Variants in BCL11B observed in about 807,000 individuals in gnomAD.
The protein encoded by BCL11B is B-cell lymphoma/leukemia 11B.
A neutral mutation model predicts 49.9 loss-of-function variants in BCL11B; 8 were observed. The ratio of observed to expected loss-of-function variants is 0.16; its 90% CI spans 0.09 to 0.29. BCL11B has a LOEUF of 0.29. Among genes scored for constraint, BCL11B ranks in the 10% least tolerant of loss-of-function variants. The probability of loss-of-function intolerance (pLI) is 1.00; values close to 1 mark genes in which losing one functional copy is unlikely to be tolerated. For synonymous variants in BCL11B, 739 were observed against 637.4 expected (o/e 1.16, Z -2.40); for missense variants, 1,006 against 1,351.0 (o/e 0.74, Z 4.00).
At chr14:99,236,204 T>C (rs200015254) in intron 2 of BCL11B, among the ~76,000 whole-genome samples, 1 of 152,128 alleles carries the variant, frequency 6.6e-6, no homozygotes, top group East Asian at 1.9e-4. Context: ...GCGCCAAATT[T>C]CATAAACAAG....
intron 3 of BCL11B, among the ~76,000 whole-genome samples, chr14:99,216,587 A>G (rs920298516): frequency 2.0e-5 from 3 of 152,154 alleles, no homozygotes; most frequent in African/African-American, 7.2e-5. Context: ...AGGTACTAAG[A>G]AGGTGAATTC....
At chr14:99,204,165 G>A (rs1351234766) in intron 3 of BCL11B, among the ~76,000 whole-genome samples, 3 of 152,190 alleles carry the variant, frequency 2.0e-5, no homozygotes, top group African/African-American at 4.8e-5. Flanking sequence ...GCCCACAAAA[G>A]GGGTTCACTA....
rs994816432 is a variant in BCL11B at position 99,195,550 on chromosome 14, C to T, written c.641-19355G>A. On this transcript the variant is annotated intron_variant, in intron 3 of 3. Coordinates refer to ENST00000357195, the MANE Select transcript of BCL11B (RefSeq NM_138576.4). The surrounding 1 kb of genome is among the most constrained non-coding windows in gnomAD (Gnocchi z 4.7). ...CTTGCTGAGTGCCTCAGTGTATCTT[C>T]GTGAACCCCCACAAGGCTCGTATGC... 1.2e-4 allele frequency among the ~76,000 whole-genome samples: 19 copies of T among 152,138 alleles called. No homozygotes were observed. Among genetic ancestry groups the T allele is most frequent in the Admixed American group, 6.5e-4 (10 of 15,272 alleles).
chr14:99,181,397 G>A (rs902072055), intron 3 of BCL11B, among the ~76,000 whole-genome samples: 6 of 152,242 alleles, frequency 3.9e-5, no homozygotes, highest in Middle Eastern at 3.2e-3. Context: ...CAGCTGGCAC[G>A]TGAGCAAACT....
Position 99,262,254 on chromosome 14 carries a change from C to T in BCL11B, c.59-4415G>A, listed in dbSNP as rs541995570. 6.6e-6 allele frequency among the ~76,000 whole-genome samples: 1 copy of T among 152,350 alleles called. No individual in the cohort carries two copies. Among genetic ancestry groups the T allele is most frequent in the East Asian group, 1.9e-4 (1 of 5,182 alleles). On this transcript the variant is annotated intron_variant, in intron 1 of 3. Transcript: ENST00000357195. This position sits in a 1 kb window ranked among gnomAD's most constrained non-coding sequence, Gnocchi z 4.2. ...GGCCCATCTCTAACAACTGCCCATG[C>T]ACCTGCCCTTAGGGGAACTCCAGCC...
chr14:99,261,252 C>T (rs1052153945), intron 1 of BCL11B, among the ~76,000 whole-genome samples: 3 of 152,326 alleles, frequency 2.0e-5, no homozygotes, highest in African/African-American at 4.8e-5. Flanking sequence ...GTAGACACCC[C>T]CAAAGACTGT....
Position 99,171,451 on chromosome 14 carries a change from CA to C in BCL11B, c.*2699del, listed in dbSNP as rs1336564669. On this transcript the variant is annotated 3_prime_UTR_variant, in exon 4 of 4. Transcript: ENST00000357195. ...TTCTTTTTATTTCCAAATTCACTAACAAAAAGGTACATTAAATCCCTTTAAA... is the reference window on the plus strand; with the variant it reads ...TTCTTTTTATTTCCAAATTCACTAACAAAAGGTACATTAAATCCCTTTAAA... The C allele has an allele frequency of 4.8e-6, 1 of 206,460 alleles. No homozygotes were observed. The highest frequency in any genetic ancestry group is 7.4e-5 in the East Asian group (1 of 13,580). 12.8% of individuals were successfully genotyped at this position (206,460 alleles called of 1,614,324 possible).
At position 99,271,246 on chromosome 14, in the gene BCL11B, C is replaced by G. The variant is rs1415690384; in HGVS notation, c.-28G>C. The G allele has an allele frequency of 8.1e-6, 12 of 1,487,070 alleles. No homozygotes were observed. Among genetic ancestry groups the G allele is most frequent in the South Asian group, 1.3e-5 (1 of 75,284 alleles). The allele number at this position is 1,487,070 out of a possible 1,614,324, so 92.1% of individuals were successfully genotyped here. ...CCCCGGCATCTATTCTGGCATCGCC[C>G]GGAGAGCTGCACTGATGGGGGGAGC... On this transcript the variant is annotated 5_prime_UTR_variant, in exon 1 of 4. Coordinates refer to ENST00000357195, the MANE Select transcript of BCL11B (RefSeq NM_138576.4).
Position 99,259,881 on chromosome 14 carries a change from C to T in BCL11B, c.59-2042G>A, listed in dbSNP as rs138062379. 8.2e-3 allele frequency among the ~76,000 whole-genome samples: 1,242 copies of T among 152,290 alleles called. 15 individuals carry two copies. Among genetic ancestry groups the T allele is most frequent in the African/African-American group, 0.028 (1,166 of 41,564 alleles). ...CAGAGGTTCTAGGGAAGACTGGATT[C>T]CTGTGAACGGTTTGTCAGAATGTAA... is the stretch of plus-strand genomic sequence containing the variant. On this transcript the variant is annotated intron_variant, in intron 1 of 3. Transcript: ENST00000357195.
At chr14:99,185,454 A>G (rs1259574374) in intron 3 of BCL11B, among the ~76,000 whole-genome samples, 1 of 150,796 alleles carries the variant, frequency 6.6e-6, no homozygotes, top group African/African-American at 2.5e-5. Flanking sequence ...AAGAAAAAAA[A>G]AAAAAAAACT....
chr14:99,244,184 G>C (rs1336229000), intron 2 of BCL11B, among the ~76,000 whole-genome samples: 1 of 152,046 alleles, frequency 6.6e-6, no homozygotes, highest in Admixed American at 6.6e-5. Flanking sequence ...CTGTTGAGCC[G>C]TCAAAATAAA....
At chr14:99,206,300 T>A (rs1243431122) in intron 3 of BCL11B, among the ~76,000 whole-genome samples, 2 of 152,226 alleles carry the variant, frequency 1.3e-5, no homozygotes, top group Non-Finnish European at 2.9e-5. Context: ...AGTCCACGGG[T>A]ACTCTTGCAC....
In BCL11B at chr14:99,271,294, C is replaced by A. The variant is rs922037468; in HGVS notation, c.-76G>T. The A allele has an allele frequency of 1.2e-5, 11 of 945,464 alleles. No homozygotes were observed. Among genetic ancestry groups the A allele is most frequent in the African/African-American group, 1.6e-5 (1 of 60,866 alleles). 58.6% of individuals were successfully genotyped at this position (945,464 alleles called of 1,614,324 possible). A position where few individuals can be genotyped will look rare whatever the true frequency, so the allele number is the denominator to read the frequency against. ...AGCCGGGGGAGGGGGTCCGAGCCGC[C>A]GCCGCGCCGCTGCCGCCGCTGCCGC... On this transcript the variant is annotated 5_prime_UTR_variant, in exon 1 of 4. Transcript: ENST00000357195.
Position 99,175,135 on chromosome 14 carries a change from C to G in BCL11B, c.1701G>C (p.Glu567Asp). The G allele has an allele frequency of 6.3e-7, 1 of 1,596,516 alleles. No homozygotes were observed. Among genetic ancestry groups the G allele is most frequent in the Non-Finnish European group, 8.5e-7 (1 of 1,174,438 alleles). Residue 567 changes from glutamate to aspartate, a missense_variant, in exon 4 of 4, where the codon GAG (glutamate) becomes GAC (aspartate). Transcript: ENST00000357195. ...SMDSELSRNR[E>D]NGGGGVPGVP... ...CCCCGGGCACCCCACCACCGCCGTT[C>G]TCGCGGTTGCGGCTCAGCTCCGAGT... is the stretch of plus-strand genomic sequence containing the variant.
At chr14:99,219,039 T>C (rs1420105102) in intron 3 of BCL11B, among the ~76,000 whole-genome samples, 1 of 123,626 alleles carries the variant, frequency 8.1e-6, no homozygotes, top group African/African-American at 3.0e-5. Context: ...CTTTTTTTTA[T>C]TTCTTCTTTT....
chr14:99,221,434 C>T (rs949195334), intron 3 of BCL11B, among the ~76,000 whole-genome samples: 1 of 152,204 alleles, frequency 6.6e-6, no homozygotes, highest in African/African-American at 2.4e-5. Context: ...TCCTGAGCGC[C>T]ACGATCCCTT....
Position 99,198,646 on chromosome 14 carries a change from C to T in BCL11B, c.641-22451G>A, listed in dbSNP as rs79707116. Among the ~76,000 whole-genome samples the T allele has an allele frequency of 3.5e-3, 534 of 152,194 alleles. 23 individuals carry two copies. The East Asian group carries it at 0.089, about 25-fold the overall frequency. ...GGATTGAATGGTATGAAAGGTCTCGCGACACATTCTCAGCCATACCCCCAG... is the reference window on the plus strand; with the variant it reads ...GGATTGAATGGTATGAAAGGTCTCGTGACACATTCTCAGCCATACCCCCAG... On this transcript the variant is annotated intron_variant, in intron 3 of 3. Coordinates refer to ENST00000357195, the MANE Select transcript of BCL11B (RefSeq NM_138576.4).
Position 99,257,275 on chromosome 14 carries a change from CT to C in BCL11B, c.427+195del, listed in dbSNP as rs1354720432. Among the ~76,000 whole-genome samples, 10 of 152,046 alleles carry C rather than the reference CT, an allele frequency of 6.6e-5. 1 individual carries two copies. Among genetic ancestry groups the C allele is most frequent in the Non-Finnish European group, 1.5e-4 (10 of 68,022 alleles). ...GCAAGCAGCCATCAGCCATTTGGGC[CT>C]CCCCGAGCCCCAGGCCTGTCTCCTC... On this transcript the variant is annotated intron_variant, in intron 2 of 3. Coordinates refer to ENST00000357195, the MANE Select transcript of BCL11B (RefSeq NM_138576.4). This position sits in a 1 kb window ranked among gnomAD's most constrained non-coding sequence, Gnocchi z 6.2.
At chr14:99,182,361 G>C (rs954143529) in intron 3 of BCL11B, among the ~76,000 whole-genome samples, 1 of 152,170 alleles carries the variant, frequency 6.6e-6, no homozygotes, top group Admixed American at 6.5e-5. Flanking sequence ...AGCTGCCCAC[G>C]GTAAAGCCTG....
Sources: gnomAD v4.1 joint callset for allele counts (sites outside exome capture counted in the v4.1 genomes callset) on GRCh38, gnomAD v4.1.1 for gene constraint, Gnocchi (gnomAD v3.1) non-coding constraint, MANE v1.5 for transcripts, NCBI Gene and HGNC (gene_info 2026-07-23, HGNC 2026-07-21) for gene names.